The following FRMD3 variants were observed in gnomAD, a reference collection of about 807,000 sequenced individuals.
FRMD3 encodes the protein FERM domain-containing protein 3.
In FRMD3, 33 loss-of-function variants were observed where a neutral mutation model predicts 70.2. That is an observed-to-expected ratio of 0.47 (90% confidence interval 0.36 to 0.63). FRMD3 has a LOEUF of 0.63. FRMD3 is among the 20% of genes least tolerant of loss of function. The pLI, the probability that FRMD3 is intolerant of heterozygous loss-of-function variation, is 0.00. For synonymous variants in FRMD3, 279 were observed against 255.9 expected, an observed-to-expected ratio of 1.09 and a Z score of -0.86; for missense variants, 632 against 711.4, an observed-to-expected ratio of 0.89 and a Z score of 1.27.
chr9:83,555,257 T>C, the FRMD3 span, among the ~76,000 whole-genome samples: 1 of 151,528 alleles, frequency 6.6e-6, no homozygotes, highest in African/African-American at 2.4e-5. Flanking sequence ...GGCTCACCCC[T>C]CTCTCTGGGA....
intron 1 of FRMD3, among the ~76,000 whole-genome samples, chr9:83,412,701 A>G (rs1210753045): frequency 3.3e-5 from 5 of 152,230 alleles, no homozygotes; most frequent in Non-Finnish European, 7.3e-5. Context: ...TTCTGCATCA[A>G]AATATGGTCC....
chr9:83,361,702 C>T (rs900732062), intron 3 of FRMD3, among the ~76,000 whole-genome samples: 1 of 152,130 alleles, frequency 6.6e-6, no homozygotes, highest in African/African-American at 2.4e-5. Context: ...TAATTAATTA[C>T]AATGCATTCA....
At chr9:83,445,266 G>A (rs920403919) in intron 1 of FRMD3, among the ~76,000 whole-genome samples, 6 of 151,356 alleles carry the variant, frequency 4.0e-5, no homozygotes, top group Non-Finnish European at 7.4e-5. Context: ...CCCAGGAGGC[G>A]GAGGTTGCAG....
chr9:83,519,914 G>C (rs1256707338), intron 1 of FRMD3, among the ~76,000 whole-genome samples: 7 of 152,140 alleles, frequency 4.6e-5, no homozygotes, highest in African/African-American at 1.4e-4. Flanking sequence ...AACACTGCAT[G>C]TTCTCACTCA....
chr9:83,474,335 C>T (rs902303413), intron 1 of FRMD3, among the ~76,000 whole-genome samples: 1 of 152,108 alleles, frequency 6.6e-6, no homozygotes, highest in South Asian at 2.1e-4. Flanking sequence ...TTTATTTAAC[C>T]CTGTTCCCTG....
chr9:83,444,028 C>T (rs1827384351), intron 1 of FRMD3, among the ~76,000 whole-genome samples: 1 of 152,198 alleles, frequency 6.6e-6, no homozygotes, highest in African/African-American at 2.4e-5. Context: ...ATTTTTGCTT[C>T]CTTTTTAACA....
chr9:83,267,408 C>A, intron 13 of FRMD3: 1 of 814,338 alleles, frequency 1.2e-6, no homozygotes, highest in Non-Finnish European at 1.7e-6. Flanking sequence ...CTAAACCTTC[C>A]GGACCAAAAC....
chr9:83,356,271 A>ATTTTTTTTTTTTTTTTTTTTTTTTTTT (rs869149609), intron 3 of FRMD3, among the ~76,000 whole-genome samples: 1 of 94,462 alleles, frequency 1.1e-5, no homozygotes, highest in Non-Finnish European at 2.0e-5. Flanking sequence ...ACTCAGCAGC[A>ATTTTTTTTTTTTTTTTTTTTTTTTTTT]TTTTTTTTTT....
At chr9:83,454,332 C>T (rs1011339214) in intron 1 of FRMD3, among the ~76,000 whole-genome samples, 5 of 152,150 alleles carry the variant, frequency 3.3e-5, no homozygotes, top group Non-Finnish European at 1.5e-5. Context: ...CAGTAAATGC[C>T]AGTCATTCCA....
intron 13 of FRMD3, among the ~76,000 whole-genome samples, chr9:83,257,863 A>G (rs1587630734): frequency 6.6e-6 from 1 of 152,210 alleles, no homozygotes; most frequent in African/African-American, 2.4e-5. Flanking sequence ...AATTTATATA[A>G]TTACACAGCC....
chr9:83,427,729 GA>G (rs34625122), intron 1 of FRMD3, among the ~76,000 whole-genome samples: 1 of 150,350 alleles, frequency 6.7e-6, no homozygotes, highest in Non-Finnish European at 1.5e-5. Flanking sequence ...GATGAATCTA[GA>G]AAAAAAAATG....
At chr9:83,303,825 C>G (rs917279270) in intron 10 of FRMD3, among the ~76,000 whole-genome samples, 1 of 152,136 alleles carries the variant, frequency 6.6e-6, no homozygotes, top group South Asian at 2.1e-4. Flanking sequence ...CTATCTAATA[C>G]GAAAACATTT....
At chr9:83,529,090 TA>T (rs1448332388) in intron 1 of FRMD3, among the ~76,000 whole-genome samples, 1 of 152,246 alleles carries the variant, frequency 6.6e-6, no homozygotes, top group Non-Finnish European at 1.5e-5. Flanking sequence ...TATTCTCACA[TA>T]TGCTTCTTCA....
the FRMD3 span, among the ~76,000 whole-genome samples, chr9:83,564,507 C>G: frequency 2.0e-5 from 3 of 152,260 alleles, no homozygotes; most frequent in South Asian, 2.1e-4. Flanking sequence ...ATATGGAAAG[C>G]CCAACTGAGA....
the FRMD3 span, among the ~76,000 whole-genome samples, chr9:83,549,777 T>C: frequency 1.3e-5 from 2 of 152,292 alleles, no homozygotes; most frequent in East Asian, 3.9e-4. Context: ...TCATGTCTTT[T>C]GCCCACTTTT....
intron 1 of FRMD3, among the ~76,000 whole-genome samples, chr9:83,485,895 C>T (rs1828677712): frequency 6.6e-6 from 1 of 151,878 alleles, no homozygotes; most frequent in African/African-American, 2.4e-5. Context: ...GTCAATGATT[C>T]TTAAAAACCT....
chr9:83,253,220 C>T (rs1051296140), intron 13 of FRMD3, among the ~76,000 whole-genome samples: 3 of 152,150 alleles, frequency 2.0e-5, no homozygotes, highest in African/African-American at 7.2e-5. Context: ...GAAATTCATT[C>T]AAAACCACAC....
the FRMD3 span, among the ~76,000 whole-genome samples, chr9:83,574,313 A>G: frequency 6.6e-6 from 1 of 152,232 alleles, no homozygotes; most frequent in African/African-American, 2.4e-5. Flanking sequence ...CCCTATATAC[A>G]AATGTGGAGG....
At chr9:83,529,786 C>T (rs923991082) in intron 1 of FRMD3, among the ~76,000 whole-genome samples, 6 of 152,118 alleles carry the variant, frequency 3.9e-5, no homozygotes, top group African/African-American at 1.4e-4. Flanking sequence ...AGAACTCTTA[C>T]AACTTAATAA....
Sources: allele counts gnomAD v4.1 joint callset (sites outside exome capture counted in the v4.1 genomes callset), GRCh38; gene constraint gnomAD v4.1.1; transcripts MANE v1.5; gene names NCBI Gene and HGNC (gene_info 2026-07-23, HGNC 2026-07-21).